MYH15: variants seen among roughly 807,000 people sequenced by gnomAD.
MYH15 encodes myosin heavy chain 15.
A neutral mutation model predicts 240.5 loss-of-function variants in MYH15; 227 were observed. The observed-to-expected ratio is 0.94, with a 90% confidence interval of 0.85 to 1.05. The LOEUF is 1.05. MYH15 is among the 50% of genes least tolerant of loss of function. The probability of loss-of-function intolerance (pLI) is 0.00; values close to 1 mark genes in which losing one functional copy is unlikely to be tolerated. For missense variants in MYH15, 2,217 were observed against 2,247.5 expected, an observed-to-expected ratio of 0.99 and a Z score of 0.27; for synonymous variants, 785 against 796.7, an observed-to-expected ratio of 0.99 and a Z score of 0.25.
At chr3:108,455,943 G>T in intron 19 of MYH15, 84 bp from the exon 20 acceptor site, 2 of 1,344,718 alleles carry the variant, frequency 1.5e-6, no homozygotes, top group Non-Finnish European at 1.0e-6. Context: ...GAGGTGAAAG[G>T]AGACATAGAT....
In MYH15 at chr3:108,380,637, G is replaced by A. The variant is rs2082335610; in HGVS notation, c.*908C>T. On this transcript the variant is annotated 3_prime_UTR_variant, in exon 41 of 41. Coordinates refer to ENST00000693548, the MANE Select transcript of MYH15 (RefSeq NM_014981.3). ...TGCACACACACCTGGCCAGTACTTTGCAAAGCTGAAGGAGGAGGCTGGCAG... is the reference window on the plus strand; with the variant it reads ...TGCACACACACCTGGCCAGTACTTTACAAAGCTGAAGGAGGAGGCTGGCAG... 1 of 152,490 alleles carries A rather than the reference G, an allele frequency of 6.6e-6. No individual in the cohort carries two copies. Among genetic ancestry groups the A allele is most frequent in the Admixed American group, 6.5e-5 (1 of 15,286 alleles). 9.4% of individuals were successfully genotyped at this position (152,490 alleles called of 1,614,324 possible).
intron 20 of MYH15, among the ~76,000 whole-genome samples, chr3:108,454,836 A>G (rs2083005935): frequency 6.6e-6 from 1 of 152,160 alleles, no homozygotes; most frequent in Non-Finnish European, 1.5e-5. Flanking sequence ...GTGCCTTTCA[A>G]CCTCACTTGC....
rs1177114948 is a variant in MYH15, at chr3:108,464,658, G to A, written c.1711C>T (p.Leu571Phe). 1.2e-6 allele frequency: 2 copies of A among 1,613,046 alleles called. No homozygotes were observed. The highest frequency in any genetic ancestry group is 1.1e-5 in the South Asian group (1 of 90,828). The change falls in exon 15 of 41, where the codon CTT becomes TTT. Residue 571 changes from leucine (L) to phenylalanine (F), a missense_variant. Physicochemically the swap from Leu to Phe is conservative, Grantham distance 22. Transcript: ENST00000693548. ...CTCACCACTCCTGCATAATGGACAAGTTCAAAATGAGCTTCAAATTTCTTC... is the reference window on the plus strand; with the variant it reads ...CTCACCACTCCTGCATAATGGACAAATTCAAAATGAGCTTCAAATTTCTTC... ...DKKKFEAHFE[L>F]VHYAGVVPYN... is the part of the protein sequence containing the mutation.
chr3:108,537,168 C>T, the MYH15 span, among the ~76,000 whole-genome samples: 1 of 152,124 alleles, frequency 6.6e-6, no homozygotes, highest in Non-Finnish European at 1.5e-5. Context: ...TTGATTATAA[C>T]TTACAGAGAT....
intron 9 of MYH15, 30 bp downstream of exon 9, chr3:108,492,470 T>C: frequency 6.7e-7 from 1 of 1,495,004 alleles, no homozygotes. Context: ...TGTTTTGGAA[T>C]AACCCTAAGC....
At position 108,383,740 on chromosome 3, in the gene MYH15, A is replaced by AAC. The variant is rs34041576; in HGVS notation, c.5632-12_5632-11insGT. 1.6e-5 allele frequency: 12 copies of AAC among 771,636 alleles called. No individual in the cohort carries two copies. The highest frequency in any genetic ancestry group is 1.3e-4 in the South Asian group (6 of 45,114). 47.8% of individuals were successfully genotyped at this position (771,636 alleles called of 1,614,324 possible). ...ATTGGCTTGTGTTTCCTATAAAAAT[A>AAC]AAAAAAAAAAAAAAGAAATCTCCAT... On this transcript the variant is annotated splice_polypyrimidine_tract_variant and intron_variant, in intron 39 of 40. Transcript: ENST00000693548.
upstream of MYH15, among the ~76,000 whole-genome samples, chr3:108,532,662 T>C (rs73850520): frequency 0.12 from 17,610 of 152,224 alleles, 1,231 homozygotes; most frequent in South Asian, 0.27. Context: ...CCCTATTGGT[T>C]CTGTTTCTCT....
At chr3:108,542,651 T>C in the MYH15 span, among the ~76,000 whole-genome samples, 3 of 152,226 alleles carry the variant, frequency 2.0e-5, no homozygotes, top group South Asian at 6.2e-4. Context: ...ACCCATCACA[T>C]TGGTATTAGG....
intron 12 of MYH15, among the ~76,000 whole-genome samples, chr3:108,471,081 A>G (rs376799692): frequency 6.0e-4 from 4 of 6,698 alleles, no homozygotes; most frequent in African/African-American, 9.0e-4. Context: ...GGGAGGAAGG[A>G]AGGAAGGAAA....
chr3:108,394,373 G>A (rs1003372352), intron 35 of MYH15, among the ~76,000 whole-genome samples: 3 of 152,194 alleles, frequency 2.0e-5, no homozygotes, highest in Non-Finnish European at 4.4e-5. Context: ...AGACTAAAGA[G>A]ATGGCAGCCT....
At chr3:108,479,236 A>G (rs891909630) in intron 11 of MYH15, among the ~76,000 whole-genome samples, 3 of 152,224 alleles carry the variant, frequency 2.0e-5, no homozygotes, top group African/African-American at 4.8e-5. Context: ...ATTCCCACCC[A>G]TAAGCATCAG....
chr3:108,478,531 T>G (rs2083239153), intron 11 of MYH15, among the ~76,000 whole-genome samples: 1 of 152,206 alleles, frequency 6.6e-6, no homozygotes, highest in Non-Finnish European at 1.5e-5. Flanking sequence ...AATCATAGAC[T>G]TTTTGAACTG....
intron 27 of MYH15, among the ~76,000 whole-genome samples, chr3:108,423,053 G>C (rs1473176066): frequency 1.3e-5 from 2 of 152,300 alleles, no homozygotes; most frequent in Admixed American, 6.5e-5. Context: ...GAGTAAGACA[G>C]GGTTTGATTA....
chr3:108,463,049 A>T, intron 16 of MYH15, 62 bp downstream of exon 16: 1 of 1,539,666 alleles, frequency 6.5e-7, no homozygotes, highest in Non-Finnish European at 8.7e-7. Flanking sequence ...TTTTTGCAAA[A>T]GCTGAGGCAG....
intron 21 of MYH15, among the ~76,000 whole-genome samples, chr3:108,447,592 A>T (rs1247395227): frequency 1.3e-5 from 2 of 151,936 alleles, no homozygotes; most frequent in African/African-American, 4.8e-5. Flanking sequence ...AAAAAAAAAA[A>T]CTAAAAACCA....
chr3:108,423,621 A>T (rs35388687), intron 27 of MYH15, among the ~76,000 whole-genome samples: 5 of 152,240 alleles, frequency 3.3e-5, no homozygotes, highest in South Asian at 2.1e-4. Flanking sequence ...TGACTTTGAC[A>T]GTCAAAGTTG....
the MYH15 span, chr3:108,550,514 T>C: frequency 6.6e-6 from 1 of 151,510 alleles, no homozygotes; most frequent in African/African-American, 2.4e-5. Flanking sequence ...TTGTGTTAAA[T>C]GTAATCATTT....
intron 27 of MYH15, among the ~76,000 whole-genome samples, chr3:108,426,254 G>A (rs899765695): frequency 6.6e-6 from 1 of 151,422 alleles, no homozygotes; most frequent in Non-Finnish European, 1.5e-5. Context: ...ATTTGATAAG[G>A]AAATTAGTAG....
At chr3:108,513,576 C>A (rs920726546), upstream of MYH15, among the ~76,000 whole-genome samples, 6 of 152,122 alleles carry the variant, frequency 3.9e-5, no homozygotes, top group Non-Finnish European at 8.8e-5. Context: ...ATCACCCAAA[C>A]CTGGACCTAT....
Sources: allele counts gnomAD v4.1 joint callset (sites outside exome capture counted in the v4.1 genomes callset), GRCh38; gene constraint gnomAD v4.1.1; transcripts MANE v1.5; gene names NCBI Gene and HGNC (gene_info 2026-07-23, HGNC 2026-07-21).